Variants in SMAD7 observed in about 807,000 individuals in gnomAD.
The protein encoded by SMAD7 is SMAD family member 7.
In SMAD7, 8 loss-of-function variants were observed where a neutral mutation model predicts 38.7. That is an observed-to-expected ratio of 0.21 (90% confidence interval 0.12 to 0.37). The LOEUF (loss-of-function observed/expected upper bound fraction) is 0.37, where lower values mean the gene tolerates loss of function less well. Among genes scored for constraint, SMAD7 ranks in the 10% least tolerant of loss-of-function variants. SMAD7 has a pLI of 1.00. For synonymous variants in SMAD7, 327 were observed against 265.1 expected, an observed-to-expected ratio of 1.23 and a Z score of -2.27; for missense variants, 477 against 577.9, an observed-to-expected ratio of 0.83 and a Z score of 1.79.
chr18:48,926,566 G>C (rs979475147), intron 3 of SMAD7, among the ~76,000 whole-genome samples: 1 of 152,262 alleles, frequency 6.6e-6, no homozygotes, highest in Non-Finnish European at 1.5e-5. Context: ...GGACGGAGAA[G>C]TTGGGGAGGA....
At chr18:48,936,474 C>T (rs1050738194) in intron 3 of SMAD7, among the ~76,000 whole-genome samples, 21 of 152,196 alleles carry the variant, frequency 1.4e-4, no homozygotes, top group Admixed American at 1.2e-3. Context: ...GAAACCCGGT[C>T]CCATGGGTCC....
chr18:48,928,614 C>T (rs574170094), intron 3 of SMAD7, among the ~76,000 whole-genome samples: 22 of 152,196 alleles, frequency 1.4e-4, no homozygotes, highest in African/African-American at 5.3e-4. Context: ...CCATCACCGC[C>T]CTCCTTGCCA....
Position 48,950,089 on chromosome 18 carries a change from G to C in SMAD7, c.336C>G (p.Leu112=). ...TCCCGCCGCGGGACTCCACGGCCTG[G>C]AGCAGCAGCTCCAGCTGCCGCTCCT... is the stretch of plus-strand genomic sequence containing the variant. The part of the protein sequence containing the change: ...KLKERQLELL[L]QAVESRGGTR... The change falls in exon 1 of 4, where the codon CTC becomes CTG. Residue 112 remains leucine (L), a synonymous_variant. Transcript: ENST00000262158. 1.4e-6 allele frequency: 2 copies of C among 1,475,250 alleles called. No individual in the cohort carries two copies. Among genetic ancestry groups the C allele is most frequent in the South Asian group, 1.3e-5 (1 of 75,302 alleles). 91.4% of individuals were successfully genotyped at this position (1,475,250 alleles called of 1,614,324 possible).
intron 3 of SMAD7, among the ~76,000 whole-genome samples, chr18:48,940,577 C>A (rs561184709): frequency 6.6e-6 from 1 of 152,100 alleles, no homozygotes; most frequent in African/African-American, 2.4e-5. Context: ...ATGGCGAAAC[C>A]CCATCTCTAC....
intron 3 of SMAD7, among the ~76,000 whole-genome samples, chr18:48,938,842 C>T (rs1170548480): frequency 6.6e-6 from 1 of 152,212 alleles, no homozygotes; most frequent in Non-Finnish European, 1.5e-5. Flanking sequence ...CATCAGACCT[C>T]TCCCAGGTGA....
rs370493054 is a variant in SMAD7 at position 48,921,253 on chromosome 18, C to CA, written c.*118dup. The CA allele has an allele frequency of 0.028, 20,290 of 721,576 alleles. No homozygotes were observed. Among genetic ancestry groups the CA allele is most frequent in the South Asian group, 0.044 (1,920 of 43,892 alleles). 44.7% of individuals were successfully genotyped at this position (721,576 alleles called of 1,614,324 possible). ...GAGAAGAAGAAAACCAACCAACAAA[C>CA]AAAAAAAAAACGACCAAAGAGTTTG... On this transcript the variant is annotated 3_prime_UTR_variant, in exon 4 of 4. Coordinates refer to ENST00000262158, the MANE Select transcript of SMAD7 (RefSeq NM_005904.4). This position sits in a 1 kb window ranked among gnomAD's most constrained non-coding sequence, Gnocchi z 6.4.
Position 48,949,882 on chromosome 18 carries a change from T to C in SMAD7, c.543A>G (p.Glu181=). ...SSEVKRLCCC[E]SYGKINPELV... Reference sequence around the variant, plus strand: ...GCTCGGGGTTGATCTTCCCGTAAGATTCACAGCAACACAGCCTCTTGACTT... The same window carrying C: ...GCTCGGGGTTGATCTTCCCGTAAGACTCACAGCAACACAGCCTCTTGACTT... The change falls in exon 1 of 4, where the codon GAA becomes GAG. Residue 181 remains glutamate, a synonymous_variant. Transcript: ENST00000262158. 2 of 1,613,488 alleles carry C rather than the reference T, an allele frequency of 1.2e-6. No individual in the cohort carries two copies. Among genetic ancestry groups the C allele is most frequent in the South Asian group, 2.2e-5 (2 of 91,024 alleles).
At position 48,949,951 on chromosome 18, in the gene SMAD7, C is replaced by T; in HGVS notation, c.474G>A (p.Leu158=). ...CCGGCCACCTGAACACTTTGCACAGCAGGAGGGGGAGCGAGTAGGACGAGG... is the reference window on the plus strand; with the variant it reads ...CCGGCCACCTGAACACTTTGCACAGTAGGAGGGGGAGCGAGTAGGACGAGG... The part of the protein sequence containing the change: ...QPPSSYSLPL[L]LCKVFRWPDL... The change falls in exon 1 of 4, where the codon CTG becomes CTA. Residue 158 remains leucine, a synonymous_variant. Transcript: ENST00000262158. The T allele has an allele frequency of 6.2e-7, 1 of 1,612,028 alleles. No homozygotes were observed. Among genetic ancestry groups the T allele is most frequent in the Non-Finnish European group, 8.5e-7 (1 of 1,179,366 alleles).
At chr18:48,934,785 A>C (rs920170989) in intron 3 of SMAD7, among the ~76,000 whole-genome samples, 1 of 152,030 alleles carries the variant, frequency 6.6e-6, no homozygotes, top group Non-Finnish European at 1.5e-5. Context: ...GAAAAAAAAA[A>C]CACAAAACAG....
intron 3 of SMAD7, among the ~76,000 whole-genome samples, chr18:48,939,926 C>T (rs1439038016): frequency 6.6e-6 from 1 of 151,234 alleles, no homozygotes; most frequent in Non-Finnish European, 1.5e-5. Flanking sequence ...GGCAGACACA[C>T]CCAGGCCACC....
intron 3 of SMAD7, among the ~76,000 whole-genome samples, chr18:48,923,832 T>C (rs1015942097): frequency 6.6e-6 from 1 of 152,196 alleles, no homozygotes; most frequent in Admixed American, 6.5e-5. Context: ...GTTATGTGTG[T>C]TTCTGTGTGC....
At chr18:48,930,034 A>G (rs2069978148) in intron 3 of SMAD7, 1 of 152,032 alleles carries the variant, frequency 6.6e-6, no homozygotes, top group East Asian at 1.9e-4. Flanking sequence ...CGGCCAATAA[A>G]TTCCAATGCA....
chr18:48,946,355 C>T (rs1020224613), intron 2 of SMAD7, among the ~76,000 whole-genome samples: 2 of 151,998 alleles, frequency 1.3e-5, no homozygotes, highest in Non-Finnish European at 2.9e-5. Context: ...CCTGGGTCAG[C>T]GCCCATCTGT....
At chr18:48,934,710 A>G (rs1327195412) in intron 3 of SMAD7, among the ~76,000 whole-genome samples, 1 of 152,136 alleles carries the variant, frequency 6.6e-6, no homozygotes, top group African/African-American at 2.4e-5. Flanking sequence ...AAATAACATA[A>G]AGTTCTCAAA....
intron 3 of SMAD7, among the ~76,000 whole-genome samples, chr18:48,925,854 C>T (rs1335046461): frequency 3.3e-5 from 5 of 152,110 alleles, no homozygotes; most frequent in Non-Finnish European, 1.5e-5. Flanking sequence ...TCACGCCATT[C>T]TCCTGCCTCA....
chr18:48,948,432 G>C lies in SMAD7; in HGVS notation c.619C>G (p.Pro207Ala). Residue 207 changes from proline (P) to alanine (A), a missense_variant, in exon 2 of 4, where the codon CCC becomes GCC. Physicochemically the swap from Pro to Ala is conservative, Grantham distance 27 (BLOSUM62 -1). Coordinates refer to ENST00000262158, the MANE Select transcript of SMAD7 (RefSeq NM_005904.4). ...HLSRLCELES[P>A]PPPYSRYPMD... ...GGGTATCTGGAGTAAGGAGGGGGGGGAGACTCTGAAATTAAAAAAGCAAGA... is the reference window on the plus strand; with the variant it reads ...GGGTATCTGGAGTAAGGAGGGGGGGCAGACTCTGAAATTAAAAAAGCAAGA... 6.3e-7 allele frequency: 1 copy of C among 1,593,354 alleles called. No homozygotes were observed. Among genetic ancestry groups the C allele is most frequent in the Non-Finnish European group, 8.5e-7 (1 of 1,171,544 alleles).
intron 3 of SMAD7, among the ~76,000 whole-genome samples, chr18:48,929,758 C>T (rs528423582): frequency 6.6e-6 from 1 of 151,980 alleles, no homozygotes; most frequent in African/African-American, 2.4e-5. Context: ...TGCTGTGGGC[C>T]TCGTTTTAAT....
chr18:48,930,724 C>G (rs1192773044), intron 3 of SMAD7, among the ~76,000 whole-genome samples: 1 of 151,340 alleles, frequency 6.6e-6, no homozygotes, highest in East Asian at 2.0e-4. Flanking sequence ...TGTGCCGACA[C>G]ATGAGGCACA....
At chr18:48,930,705 C>G (rs992195980) in intron 3 of SMAD7, among the ~76,000 whole-genome samples, 1 of 119,298 alleles carries the variant, frequency 8.4e-6, no homozygotes, top group South Asian at 3.0e-4. Context: ...CCACCGCATG[C>G]GATCGGTGTG....
Sources: allele counts gnomAD v4.1 joint callset (sites outside exome capture counted in the v4.1 genomes callset), GRCh38; gene constraint gnomAD v4.1.1; non-coding constraint Gnocchi (gnomAD v3.1); transcripts MANE v1.5; gene names NCBI Gene and HGNC (gene_info 2026-07-23, HGNC 2026-07-21).